Variants in KIAA0825 observed in about 807,000 individuals in gnomAD.
The protein encoded by KIAA0825 is uncharacterized protein KIAA0825.
A neutral mutation model predicts 147.6 loss-of-function variants in KIAA0825; 119 were observed. That is an observed-to-expected ratio of 0.81 (90% CI 0.69 to 0.94). The LOEUF is 0.94. KIAA0825 is among the 40% of genes least tolerant of loss of function. KIAA0825 has a pLI of 0.00. For synonymous variants in KIAA0825, 470 were observed against 518.1 expected (o/e 0.91, Z 1.26); for missense variants, 1,381 against 1,472.7 (o/e 0.94, Z 1.02).
chr5:94,182,872 G>C (rs2149981442), intron 20 of KIAA0825, among the ~76,000 whole-genome samples: 1 of 152,200 alleles, frequency 6.6e-6, no homozygotes. Flanking sequence ...GCAAATATTT[G>C]AGGACTAAAT....
At chr5:94,241,538 G>A (rs960017376) in intron 20 of KIAA0825, among the ~76,000 whole-genome samples, 4 of 152,154 alleles carry the variant, frequency 2.6e-5, no homozygotes, top group African/African-American at 9.7e-5. Context: ...ACAGCTACCT[G>A]CTGGAAAATG....
chr5:94,594,881 T>TA (rs1348510293), intron 1 of KIAA0825: 4,421 of 187,602 alleles, frequency 0.024, 11 homozygotes, highest in South Asian at 0.039. Flanking sequence ...AAATAGTAGA[T>TA]AAAAAAAAAA....
rs1290230124 is a variant in KIAA0825 at position 94,386,724 on chromosome 5, G to A, written c.3457-320C>T. Among the ~76,000 whole-genome samples the A allele has an allele frequency of 2.6e-5, 4 of 152,178 alleles. No individual in the cohort carries two copies. In the South Asian group the frequency reaches 6.2e-4, roughly 24 times the overall value. ...TCTTGTCACTGGTTCACATATTAAC[G>A]TGTCTGGTTACCAAAACTTAACTCA... is the stretch of plus-strand genomic sequence containing the variant. On this transcript the variant is annotated intron_variant, in intron 18 of 20. Coordinates refer to ENST00000682413, the MANE Select transcript of KIAA0825 (RefSeq NM_001145678.3).
At chr5:94,428,900 TA>T (rs776870863) in intron 14 of KIAA0825, among the ~76,000 whole-genome samples, 3 of 152,166 alleles carry the variant, frequency 2.0e-5, no homozygotes, top group Admixed American at 6.5e-5. Context: ...TTTCTAAAAT[TA>T]TTTTTTCTTT....
At chr5:94,571,497 C>T (rs1006092882) in intron 2 of KIAA0825, among the ~76,000 whole-genome samples, 1 of 152,132 alleles carries the variant, frequency 6.6e-6, no homozygotes, top group Non-Finnish European at 1.5e-5. Context: ...AAACTTGAAA[C>T]TAAAAATAAA....
At chr5:94,506,492 G>A (rs1765752930) in intron 5 of KIAA0825, among the ~76,000 whole-genome samples, 1 of 152,124 alleles carries the variant, frequency 6.6e-6, no homozygotes, top group African/African-American at 2.4e-5. Context: ...AACTATGGAA[G>A]TGAATATGGA....
chr5:94,289,090 C>G lies in KIAA0825; in HGVS notation c.3710+95278G>C, dbSNP rs527312373. On this transcript the variant is annotated intron_variant, in intron 20 of 20. Transcript: ENST00000682413. ...TCTTTTGCAGTACCCTTTTGTGTAA[C>G]AGCATATTGGAAAAGGTCATTCATT... Among the ~76,000 whole-genome samples, 5 of 152,236 alleles carry G rather than the reference C, an allele frequency of 3.3e-5. No individual in the cohort carries two copies. In the East Asian group the frequency reaches 9.7e-4, roughly 29 times the overall value.
intron 20 of KIAA0825, among the ~76,000 whole-genome samples, chr5:94,354,485 T>C (rs1379758106): frequency 6.6e-6 from 1 of 152,148 alleles, no homozygotes; most frequent in Non-Finnish European, 1.5e-5. Flanking sequence ...TAAATTGTCA[T>C]TTCTATCTCC....
chr5:94,214,150 C>A (rs1400642339), intron 20 of KIAA0825, among the ~76,000 whole-genome samples: 1 of 152,000 alleles, frequency 6.6e-6, no homozygotes, highest in Non-Finnish European at 1.5e-5. Context: ...ACCACTGCAC[C>A]CGGCCCTGGA....
At chr5:94,580,230 A>T (rs1158033190) in intron 2 of KIAA0825, among the ~76,000 whole-genome samples, 1 of 152,206 alleles carries the variant, frequency 6.6e-6, no homozygotes, top group Non-Finnish European at 1.5e-5. Context: ...AGGTGTTTCA[A>T]TCAAGAAGAA....
intron 1 of KIAA0825, among the ~76,000 whole-genome samples, chr5:94,596,356 G>A (rs1046097434): frequency 6.6e-6 from 1 of 152,130 alleles, no homozygotes; most frequent in African/African-American, 2.4e-5. Context: ...CCCATTGCTT[G>A]TTCTTGTCAA....
At chr5:94,466,902 T>C (rs538466725) in intron 10 of KIAA0825, among the ~76,000 whole-genome samples, 20 of 152,276 alleles carry the variant, frequency 1.3e-4, no homozygotes, top group African/African-American at 3.8e-4. Context: ...TTGTGTTGCA[T>C]ATAAATTTAA....
chr5:94,572,437 A>G (rs1780152834), intron 2 of KIAA0825, among the ~76,000 whole-genome samples: 1 of 152,208 alleles, frequency 6.6e-6, no homozygotes, highest in Admixed American at 6.5e-5. Context: ...TTAAAGTATG[A>G]GCTTCATTCA....
rs1761227456 is a variant in KIAA0825, at chr5:94,471,683, G to A, written c.1504C>T (p.Leu502=). ...TGAAAAGAATCATCTCTGCATGCCA[G>A]AGCCAGTGGAAGCATTGTGTCAAGT... ...EKLDTMLPLA[L]ACRDDSFQEI... is the part of the protein sequence containing the mutation. Residue 502 remains leucine, a synonymous_variant, in exon 9 of 21, where the codon CTG becomes TTG. Transcript: ENST00000682413. 2 of 1,552,208 alleles carry A rather than the reference G, an allele frequency of 1.3e-6. No individual in the cohort carries two copies. Among genetic ancestry groups the A allele is most frequent in the African/African-American group, 1.4e-5 (1 of 73,048 alleles).
chr5:94,367,037 A>G (rs1745956269), intron 20 of KIAA0825, among the ~76,000 whole-genome samples: 1 of 152,248 alleles, frequency 6.6e-6, no homozygotes, highest in East Asian at 1.9e-4. Context: ...ACACTTTTAA[A>G]TAAGGAAGAG....
intron 20 of KIAA0825, among the ~76,000 whole-genome samples, chr5:94,249,728 C>G (rs1434319521): frequency 3.3e-5 from 5 of 151,602 alleles, no homozygotes; most frequent in African/African-American, 1.2e-4. Flanking sequence ...TTTAAAGAAG[C>G]CTTATTTTTT....
intron 20 of KIAA0825, among the ~76,000 whole-genome samples, chr5:94,312,581 T>G (rs1646495231): frequency 6.6e-6 from 1 of 151,740 alleles, no homozygotes; most frequent in African/African-American, 2.4e-5. Flanking sequence ...GATGACTCAA[T>G]CTATTATGTC....
chr5:94,583,350 T>C lies in KIAA0825; in HGVS notation c.-152-767A>G, dbSNP rs116610168. 7.9e-3 allele frequency among the ~76,000 whole-genome samples: 1,207 copies of C among 152,310 alleles called. 22 individuals are homozygous for C. The highest frequency in any genetic ancestry group is 0.028 in the African/African-American group (1,153 of 41,572). On this transcript the variant is annotated intron_variant, in intron 1 of 20. Coordinates refer to ENST00000682413, the MANE Select transcript of KIAA0825 (RefSeq NM_001145678.3). ...CTTTGCAACTGGCAGACCAGAAGAT[T>C]CCCTCTTGTGTCTGGCTTGGTGGGC...
intron 10 of KIAA0825, 111 bp downstream of exon 10, chr5:94,469,850 C>T (rs1260770330): frequency 7.5e-6 from 6 of 796,624 alleles, no homozygotes; most frequent in African/African-American, 7.1e-5. Flanking sequence ...ATTATCCTAA[C>T]AGCCTTCGGG....
Sources: allele counts gnomAD v4.1 joint callset (sites outside exome capture counted in the v4.1 genomes callset), GRCh38; gene constraint gnomAD v4.1.1; transcripts MANE v1.5; gene names NCBI Gene and HGNC (gene_info 2026-07-23, HGNC 2026-07-21).